The following FXR1 variants were observed in gnomAD, a reference collection of about 807,000 sequenced individuals.
FXR1 encodes RNA-binding protein FXR1.
Under a neutral mutation model 84.0 loss-of-function variants are expected in FXR1, and 15 were observed. The ratio of observed to expected loss-of-function variants is 0.18; its 90% CI spans 0.12 to 0.27. The LOEUF (loss-of-function observed/expected upper bound fraction) is 0.27. Ranked by LOEUF, FXR1 falls within the 10% of genes least tolerant of loss-of-function variation. The pLI, the probability that FXR1 is intolerant of heterozygous loss-of-function variation, is 1.00. For synonymous variants in FXR1, 245 were observed against 250.7 expected, an observed-to-expected ratio of 0.98 and a Z score of 0.21; for missense variants, 480 against 774.4, an observed-to-expected ratio of 0.62 and a Z score of 4.51.
At chr3:180,956,608 A>G (rs938077923) in intron 9 of FXR1, among the ~76,000 whole-genome samples, 6 of 151,922 alleles carry the variant, frequency 3.9e-5, no homozygotes, top group Non-Finnish European at 8.8e-5. Context: ...CTTGAGCTTC[A>G]CTGTGTTAAC....
intron 1 of FXR1, among the ~76,000 whole-genome samples, chr3:180,918,670 T>A (rs1374937651): frequency 1.3e-5 from 2 of 152,236 alleles, no homozygotes; most frequent in African/African-American, 4.8e-5. Flanking sequence ...GTAAACACCT[T>A]GGTTTTTTCA....
intron 8 of FXR1, among the ~76,000 whole-genome samples, chr3:180,953,517 T>A (rs1430349582): frequency 6.6e-6 from 1 of 152,188 alleles, no homozygotes; most frequent in Non-Finnish European, 1.5e-5. Context: ...AGCTTAAAGA[T>A]TTTAGAGATG....
chr3:180,967,354 T>C (rs1023528574), intron 13 of FXR1, among the ~76,000 whole-genome samples: 5 of 152,160 alleles, frequency 3.3e-5, no homozygotes, highest in African/African-American at 1.2e-4. Context: ...TTCAGAGATG[T>C]TAACATGTGA....
intron 1 of FXR1, chr3:180,927,638 TC>T: frequency 1.7e-6 from 1 of 574,466 alleles, no homozygotes; most frequent in Non-Finnish European, 3.1e-6. Flanking sequence ...TGTACTTTTT[TC>T]CCCCACAGGC....
chr3:180,928,354 C>G (rs1394905661), intron 1 of FXR1, among the ~76,000 whole-genome samples: 1 of 146,088 alleles, frequency 6.8e-6, no homozygotes. Context: ...TGTTATTGTT[C>G]CCTCCCATCC....
chr3:180,942,845 A>G (rs1444520642), intron 3 of FXR1, among the ~76,000 whole-genome samples: 4 of 152,226 alleles, frequency 2.6e-5, no homozygotes, highest in African/African-American at 9.6e-5. Context: ...AACATTTAGG[A>G]TATAGTACAC....
intron 1 of FXR1, among the ~76,000 whole-genome samples, chr3:180,920,698 A>G (rs560537052): frequency 8.5e-5 from 13 of 152,130 alleles, no homozygotes; most frequent in African/African-American, 2.9e-4. Flanking sequence ...TTTAGTAGAG[A>G]TGGCGATTTG....
rs973183866 is a variant in FXR1, at chr3:180,953,769, A to T, written c.809A>T (p.Asp270Val). The change falls in exon 9 of 17, where the codon GAT becomes GTT. Residue 270 changes from aspartate (D) to valine (V), a missense_variant. Asp to Val is a radical substitution (Grantham distance 152). Around this residue, in one of 6 missense-constraint regions of FXR1, gnomAD observed 136 missense variants for 315.4 expected, o/e 0.43. Transcript: ENST00000357559. Reference protein sequence around the residue: ...GTFRIYGESADAVKKARGFLE... With the variant: ...GTFRIYGESAVAVKKARGFLE... ...TTTTCCCCTCATCTACAGAGTGCTG[A>T]TGCTGTAAAAAAGGCTAGAGGTTTC... is the stretch of plus-strand genomic sequence containing the variant. 1.3e-6 allele frequency: 2 copies of T among 1,552,700 alleles called. No individual in the cohort carries two copies. The highest frequency in any genetic ancestry group is 1.4e-5 in the African/African-American group (1 of 73,774).
At chr3:180,935,264 AT>A (rs773684027) in intron 3 of FXR1, 33 bp downstream of exon 3, 10 of 920,144 alleles carry the variant, frequency 1.1e-5, no homozygotes, top group Admixed American at 3.8e-5. Context: ...TCTTGTGTCT[AT>A]TTTTTTGATT....
At chr3:180,924,672 A>G (rs1161759527) in intron 1 of FXR1, among the ~76,000 whole-genome samples, 5 of 151,998 alleles carry the variant, frequency 3.3e-5, no homozygotes, top group Non-Finnish European at 7.4e-5. Context: ...TTGTATTTTT[A>G]GTAGAGACGG....
At chr3:180,957,005 C>T (rs1040961476) in intron 9 of FXR1, among the ~76,000 whole-genome samples, 2 of 152,128 alleles carry the variant, frequency 1.3e-5, no homozygotes, top group African/African-American at 2.4e-5. Context: ...AGGGATACAT[C>T]GGTTCCATAT....
At chr3:180,920,517 C>CTTTTTTT (rs11359852) in intron 1 of FXR1, among the ~76,000 whole-genome samples, 9 of 127,372 alleles carry the variant, frequency 7.1e-5, no homozygotes, top group Non-Finnish European at 8.6e-5. Flanking sequence ...TAGTTTTGTT[C>CTTTTTTT]TTTTTTTTTT....
chr3:180,916,164 G>A (rs1717866641), intron 1 of FXR1, among the ~76,000 whole-genome samples: 1 of 152,080 alleles, frequency 6.6e-6, no homozygotes, highest in South Asian at 2.1e-4. Flanking sequence ...GTTTTAATGA[G>A]GTAGAATGTA....
chr3:180,915,378 G>T, intron 1 of FXR1: 1 of 648,986 alleles, frequency 1.5e-6, no homozygotes, highest in Non-Finnish European at 2.6e-6. Flanking sequence ...AGTGTTTTCT[G>T]TCCCCATAGT....
chr3:180,981,655 T>C lies in FXR1; in HGVS notation c.*5363T>C, dbSNP rs907869620. 2.6e-5 allele frequency: 4 copies of C among 152,036 alleles called. No homozygotes were observed. The highest frequency in any genetic ancestry group is 4.4e-5 in the Non-Finnish European group (3 of 67,948). The allele number at this position is 152,036 out of a possible 1,614,324, so 9.4% of individuals were successfully genotyped here. On this transcript the variant is annotated 3_prime_UTR_variant, in exon 17 of 17. Transcript: ENST00000357559. ...CACAAACTTCTAATGAGGACTAATA[T>C]GAACAGCAAATTGGAGAAGACACCA...
chr3:180,971,382 T>TA (rs1342202147), intron 15 of FXR1: 1 of 159,540 alleles, frequency 6.3e-6, no homozygotes, highest in East Asian at 1.8e-4. Context: ...TGTTGTGTCC[T>TA]AATTGTTTAC....
chr3:180,974,743 G>A (rs1714013607), intron 15 of FXR1, among the ~76,000 whole-genome samples: 1 of 151,822 alleles, frequency 6.6e-6, no homozygotes, highest in South Asian at 2.1e-4. Flanking sequence ...TTTGCTTGTA[G>A]TTTCTTATTT....
chr3:180,934,070 C>G (rs1406682698), intron 2 of FXR1, among the ~76,000 whole-genome samples: 2 of 152,062 alleles, frequency 1.3e-5, no homozygotes, highest in African/African-American at 4.8e-5. Flanking sequence ...GCTGAGACGG[C>G]GCCATTGCAC....
chr3:180,949,397 G>GT (rs1305596367), intron 7 of FXR1, 54 bp downstream of exon 7: 31 of 885,996 alleles, frequency 3.5e-5, no homozygotes, highest in Non-Finnish European at 4.8e-5. Flanking sequence ...GTTTTTGTTT[G>GT]TTTTTTGGAG....
Sources: allele counts gnomAD v4.1 joint callset (sites outside exome capture counted in the v4.1 genomes callset), GRCh38; gene constraint gnomAD v4.1.1; regional missense constraint gnomAD v4.1.1; transcripts MANE v1.5; gene names NCBI Gene and HGNC (gene_info 2026-07-23, HGNC 2026-07-21).